NIM1K: variants seen among roughly 807,000 people sequenced by gnomAD.
NIM1K encodes serine/threonine-protein kinase NIM1.
A neutral mutation model predicts 37.1 loss-of-function variants in NIM1K; 35 were observed. The observed-to-expected ratio is 0.94, with a 90% CI of 0.72 to 1.25. The LOEUF (loss-of-function observed/expected upper bound fraction) is 1.25, where lower values mean the gene tolerates loss of function less well. NIM1K is among the 50% of genes most tolerant of loss of function. The pLI, the probability that NIM1K is intolerant of heterozygous loss-of-function variation, is 0.00. For synonymous variants in NIM1K, 234 were observed against 206.6 expected, an observed-to-expected ratio of 1.13 and a Z score of -1.14; for missense variants, 564 against 548.0, an observed-to-expected ratio of 1.03 and a Z score of -0.29.
intron 1 of NIM1K, among the ~76,000 whole-genome samples, chr5:43,202,957 C>T (rs928186396): frequency 5.3e-5 from 8 of 152,128 alleles, no homozygotes; most frequent in Non-Finnish European, 7.4e-5. Flanking sequence ...TTTTCAATGG[C>T]GCCTCACAAT....
chr5:43,273,611 G>C (rs1393629474), intron 2 of NIM1K, among the ~76,000 whole-genome samples: 3 of 152,178 alleles, frequency 2.0e-5, no homozygotes, highest in African/African-American at 7.2e-5. Flanking sequence ...TTCTAAAGCA[G>C]TCTCCTGGCT....
intron 2 of NIM1K, among the ~76,000 whole-genome samples, chr5:43,273,957 A>G (rs1753299585): frequency 6.6e-6 from 1 of 152,152 alleles, no homozygotes. Context: ...CTCATTGAAC[A>G]TTTATTGAAA....
intron 1 of NIM1K, among the ~76,000 whole-genome samples, chr5:43,244,188 G>A (rs916635266): frequency 6.6e-6 from 1 of 152,166 alleles, no homozygotes; most frequent in African/African-American, 2.4e-5. Context: ...TACTTCCAAG[G>A]CAGTCTCTCA....
chr5:43,213,325 C>T (rs1187345127), intron 1 of NIM1K, among the ~76,000 whole-genome samples: 1 of 113,946 alleles, frequency 8.8e-6, no homozygotes, highest in Non-Finnish European at 1.9e-5. Context: ...CTTTTCTTTT[C>T]TTTTCTTTTC....
At chr5:43,214,549 CTT>C (rs1477817662) in intron 1 of NIM1K, among the ~76,000 whole-genome samples, 9 of 150,482 alleles carry the variant, frequency 6.0e-5, no homozygotes, top group Admixed American at 3.3e-4. Context: ...GGCGCGGTGG[CTT>C]ACGCCTGTAA....
chr5:43,219,623 T>TGTTAC (rs1752353156), intron 1 of NIM1K, among the ~76,000 whole-genome samples: 1 of 152,222 alleles, frequency 6.6e-6, no homozygotes, highest in South Asian at 2.1e-4. Flanking sequence ...TATTGAGTTG[T>TGTTAC]GTTACTTACA....
chr5:43,198,197 TTCTTTCTTTCTCTTTCTTTCTTTC>T (rs1751954922), intron 1 of NIM1K, among the ~76,000 whole-genome samples: 5 of 57,050 alleles, frequency 8.8e-5, no homozygotes, highest in Middle Eastern at 0.012. Flanking sequence ...CTTTCTTTCT[TTCTTTCTTTCTCTTTCTTTCTTTC>T]TTTCTTTCTT....
Position 43,204,091 on chromosome 5 carries a change from T to TTG in NIM1K, c.-695+11681_-695+11682insGT, listed in dbSNP as rs1554013091. The stretch of plus-strand genomic sequence containing the variant: ...CTGATAGTTCCAATGGTTTTTTTTT[T>TTG]TTTTTTTTTTTGAGACGGAGTCTCA... On this transcript the variant is annotated intron_variant, in intron 1 of 3. Coordinates refer to ENST00000326035, the MANE Select transcript of NIM1K (RefSeq NM_153361.4). 5.1e-4 allele frequency among the ~76,000 whole-genome samples: 69 copies of TTG among 136,050 alleles called. 1 individual carries two copies. Among genetic ancestry groups the TTG allele is most frequent in the Admixed American group, 8.7e-4 (12 of 13,772 alleles). The allele number at this position is 136,050 out of a possible 152,430, so 89.3% of individuals were successfully genotyped here.
At chr5:43,207,562 G>A in intron 1 of NIM1K, 1 of 689,832 alleles carries the variant, frequency 1.4e-6, no homozygotes, top group Admixed American at 1.8e-5. Context: ...ATTCCACATG[G>A]GAGTTTCTCA....
intron 1 of NIM1K, among the ~76,000 whole-genome samples, chr5:43,239,533 T>C (rs1200422807): frequency 1.3e-5 from 2 of 151,090 alleles, no homozygotes; most frequent in African/African-American, 4.9e-5. Flanking sequence ...CCACCGCGCC[T>C]GCTTTTTTTT....
chr5:43,273,517 TC>T (rs1405971664), intron 2 of NIM1K, among the ~76,000 whole-genome samples: 1 of 152,204 alleles, frequency 6.6e-6, no homozygotes, highest in East Asian at 1.9e-4. Context: ...CCCAGAGTGC[TC>T]TTTTTAAATG....
chr5:43,206,785 A>T (rs1579955726), intron 1 of NIM1K: 2 of 767,018 alleles, frequency 2.6e-6, no homozygotes, highest in East Asian at 4.9e-5. Flanking sequence ...AAAGGCCTCC[A>T]GTCCATTTTC....
intron 1 of NIM1K, among the ~76,000 whole-genome samples, chr5:43,200,592 G>T (rs1379722266): frequency 3.9e-5 from 6 of 152,004 alleles, no homozygotes; most frequent in Admixed American, 6.6e-5. Context: ...GAGCCACTGC[G>T]CCCGGCCAGT....
chr5:43,245,998 C>T lies in NIM1K; in HGVS notation c.223C>T (p.Arg75Ter), dbSNP rs145190045. Residue 75 changes from arginine (R) to a stop codon, truncating the protein, a stop_gained, in exon 2 of 4, where the codon CGA becomes TGA. Transcript: ENST00000326035. LOFTEE classifies it high-confidence loss of function. ...ITLGKRIGFY[R>*]IRGEIGSGNF... Reference sequence around the variant, plus strand: ...GCTGGGGAAACGGATAGGCTTCTACCGAATTCGAGGGGAAATCGGAAGTGG... The same window carrying T: ...GCTGGGGAAACGGATAGGCTTCTACTGAATTCGAGGGGAAATCGGAAGTGG... The T allele has an allele frequency of 1.1e-5, 18 of 1,613,896 alleles. No homozygotes were observed. Among genetic ancestry groups the T allele is most frequent in the Admixed American group, 1.7e-5 (1 of 59,988 alleles).
rs71608698 is a variant in NIM1K at position 43,217,708 on chromosome 5, A to ATTT, written c.-695+25319_-695+25321dup. On this transcript the variant is annotated intron_variant, in intron 1 of 3. Coordinates refer to ENST00000326035, the MANE Select transcript of NIM1K (RefSeq NM_153361.4). ...AAATGTCTATTCAGATCCTCTGTCT[A>ATTT]TTTTTTTTTTTTTTTTTTTTTTTTG... Among the ~76,000 whole-genome samples, 431 of 93,582 alleles carry ATTT rather than the reference A, an allele frequency of 4.6e-3. 16 individuals carry two copies. Among genetic ancestry groups the ATTT allele is most frequent in the African/African-American group, 0.014 (329 of 23,332 alleles). The allele number at this position is 93,582 out of a possible 152,430, so 61.4% of individuals were successfully genotyped here. A position where few individuals can be genotyped will look rare whatever the true frequency, so the allele number is the denominator to read the frequency against.
chr5:43,197,816 C>A lies in NIM1K; in HGVS notation c.-695+5405C>A, dbSNP rs569253092. Among the ~76,000 whole-genome samples the A allele has an allele frequency of 2.5e-3, 386 of 152,296 alleles. 1 individual carries two copies. Among genetic ancestry groups the A allele is most frequent in the Admixed American group, 5.0e-3 (77 of 15,292 alleles). On this transcript the variant is annotated intron_variant, in intron 1 of 3. Coordinates refer to ENST00000326035, the MANE Select transcript of NIM1K (RefSeq NM_153361.4). Reference sequence around the variant, plus strand: ...TACCTATCTCTAGTTTAGCCTTTGGCCATTATATTTAGACGATCTGTTTAT... The same window carrying A: ...TACCTATCTCTAGTTTAGCCTTTGGACATTATATTTAGACGATCTGTTTAT...
intron 2 of NIM1K, among the ~76,000 whole-genome samples, chr5:43,269,595 GT>G (rs1388750848): frequency 1.3e-5 from 2 of 151,864 alleles, no homozygotes; most frequent in Non-Finnish European, 2.9e-5. Flanking sequence ...TTTTGTGTGT[GT>G]GTGTGTGTTA....
rs866185476 is a variant in NIM1K at position 43,266,997 on chromosome 5, T to A, written c.293-10060T>A. On this transcript the variant is annotated intron_variant, in intron 2 of 3. Transcript: ENST00000326035. ...TTTGGGAGGATTTTCTCTTTCTCAA[T>A]CTTTTTGAATAATCTCAATAGTATT... is the stretch of plus-strand genomic sequence containing the variant. Among the ~76,000 whole-genome samples, 75 of 152,220 alleles carry A rather than the reference T, an allele frequency of 4.9e-4. 1 individual carries two copies. Among genetic ancestry groups the A allele is most frequent in the African/African-American group, 1.7e-3 (70 of 41,456 alleles).
intron 2 of NIM1K, among the ~76,000 whole-genome samples, chr5:43,253,121 G>A (rs897182466): frequency 1.8e-4 from 26 of 146,630 alleles, no homozygotes; most frequent in African/African-American, 6.3e-4. Context: ...GGGATTACAG[G>A]TGTGAGACAC....
Sources: gnomAD v4.1 joint callset for allele counts (sites outside exome capture counted in the v4.1 genomes callset) on GRCh38, gnomAD v4.1.1 for gene constraint, MANE v1.5 for transcripts, NCBI Gene and HGNC (gene_info 2026-07-23, HGNC 2026-07-21) for gene names.